The following SLC12A7 variants were observed in gnomAD, a reference collection of about 807,000 sequenced individuals.
SLC12A7 encodes K-Cl cotransporter 4.
Under a neutral mutation model 120.6 loss-of-function variants are expected in SLC12A7, and 100 were observed. That is an observed-to-expected ratio of 0.83 (90% CI 0.71 to 0.98). The LOEUF (loss-of-function observed/expected upper bound fraction) is 0.98. Among genes scored for constraint, SLC12A7 ranks in the 50% least tolerant of loss-of-function variants. The pLI is 0.00. For missense variants in SLC12A7, 1,373 were observed against 1,548.1 expected (o/e 0.89, Z 1.90); for synonymous variants, 760 against 678.0 (o/e 1.12, Z -1.88).
Position 1,112,028 on chromosome 5 carries a change from C to G in SLC12A7, c.-37G>C. On this transcript the variant is annotated 5_prime_UTR_variant, in exon 1 of 24. Coordinates refer to ENST00000264930, the MANE Select transcript of SLC12A7 (RefSeq NM_006598.3). ...GCCGACAGTCCCCGTCCCGGCCCGG[C>G]CCGCGCTGCGCCGCTCCCGCCGACG... 8.1e-7 allele frequency: 1 copy of G among 1,236,422 alleles called. No homozygotes were observed. The highest frequency in any genetic ancestry group is 1.0e-6 in the Non-Finnish European group (1 of 988,074). The allele number at this position is 1,236,422 out of a possible 1,614,324, so 76.6% of individuals were successfully genotyped here. A position where few individuals can be genotyped will look rare whatever the true frequency, so the allele number is the denominator to read the frequency against.
At chr5:1,121,038 G>C in the SLC12A7 span, among the ~76,000 whole-genome samples, 1 of 152,188 alleles carries the variant, frequency 6.6e-6, no homozygotes, top group African/African-American at 2.4e-5. Flanking sequence ...TGTGCTGCAC[G>C]GTAGACTCGG....
At chr5:1,086,794 G>A (rs1739906151) in intron 6 of SLC12A7, 109 bp downstream of exon 6, 1 of 1,450,820 alleles carries the variant, frequency 6.9e-7, no homozygotes, top group Non-Finnish European at 9.4e-7. Context: ...GGGCAGTGGG[G>A]TCAGGATGGC....
chr5:1,135,397 G>A, the SLC12A7 span, among the ~76,000 whole-genome samples: 2 of 128,538 alleles, frequency 1.6e-5, no homozygotes, highest in Admixed American at 8.1e-5. Context: ...CACTAGGCCC[G>A]TTTCCAGGGC....
chr5:1,058,893 C>CCGG (rs35377186), intron 21 of SLC12A7, among the ~76,000 whole-genome samples: 1 of 152,030 alleles, frequency 6.6e-6, no homozygotes, highest in Non-Finnish European at 1.5e-5. Context: ...TCATCCAAAC[C>CCGG]CTTCTGCAGA....
Position 1,112,053 on chromosome 5 carries a change from G to A in SLC12A7, c.-62C>T. The A allele has an allele frequency of 8.3e-7, 1 of 1,208,080 alleles. No individual in the cohort carries two copies. Among genetic ancestry groups the A allele is most frequent in the Non-Finnish European group, 1.0e-6 (1 of 971,786 alleles). The allele number at this position is 1,208,080 out of a possible 1,614,324, so 74.8% of individuals were successfully genotyped here. ...CCCGCGCTGCGCCGCTCCCGCCGACGCCACGGGACTTGGAGGCAGGGGCGG... is the reference window on the plus strand; with the variant it reads ...CCCGCGCTGCGCCGCTCCCGCCGACACCACGGGACTTGGAGGCAGGGGCGG... On this transcript the variant is annotated 5_prime_UTR_variant, in exon 1 of 24. Coordinates refer to ENST00000264930, the MANE Select transcript of SLC12A7 (RefSeq NM_006598.3).
upstream of SLC12A7, among the ~76,000 whole-genome samples, chr5:1,114,209 A>G (rs1743224648): frequency 6.6e-6 from 1 of 152,248 alleles, no homozygotes; most frequent in Admixed American, 6.5e-5. Flanking sequence ...ACCAGGGGCC[A>G]TGGCTGAAGC....
chr5:1,133,436 T>C, the SLC12A7 span, among the ~76,000 whole-genome samples: 2 of 152,102 alleles, frequency 1.3e-5, no homozygotes, highest in Admixed American at 1.3e-4. Flanking sequence ...GCCCTGCTGG[T>C]CCTGGGGGAG....
intron 17 of SLC12A7, among the ~76,000 whole-genome samples, chr5:1,068,658 G>A (rs1243586736): frequency 3.3e-5 from 5 of 152,216 alleles, no homozygotes; most frequent in Non-Finnish European, 7.3e-5. Context: ...GGCAGGGTGC[G>A]CTCGTCCTCC....
At position 1,074,640 on chromosome 5, in the gene SLC12A7, C is replaced by T; in HGVS notation, c.1999G>A (p.Gly667Ser). Residue 667 changes from glycine (G) to serine (S), a missense_variant, in exon 16 of 24, where the codon GGC becomes AGC. Transcript: ENST00000264930. ...TAGCGGGCGGCGTTCAGGGATAGGC[C>T]ACGGATGCCATCGCCCCACTCCTTC... The part of the protein sequence containing the change: ...AEKEWGDGIR[G>S]LSLNAARYAL... 1 of 1,612,836 alleles carries T rather than the reference C, an allele frequency of 6.2e-7. No homozygotes were observed. Among genetic ancestry groups the T allele is most frequent in the Non-Finnish European group, 8.5e-7 (1 of 1,179,930 alleles).
intron 1 of SLC12A7, among the ~76,000 whole-genome samples, chr5:1,097,453 A>G (rs960544675): frequency 2.2e-4 from 33 of 152,310 alleles, no homozygotes; most frequent in African/African-American, 7.9e-4. Context: ...AAAAAGCACT[A>G]GAAACAACTT....
chr5:1,051,240 G>A lies in SLC12A7; in HGVS notation c.*1120C>T, dbSNP rs565266502. 88 of 281,800 alleles carry A rather than the reference G, an allele frequency of 3.1e-4. No individual in the cohort carries two copies. The highest frequency in any genetic ancestry group is 2.0e-3 in the South Asian group (12 of 5,948). 17.5% of individuals were successfully genotyped at this position (281,800 alleles called of 1,614,324 possible). A position where few individuals can be genotyped will look rare whatever the true frequency, so the allele number is the denominator to read the frequency against. ...GCACAGGCCATGGCAGGGGACGCCC[G>A]GGACTCAGCCAGACAGACCTGACAC... On this transcript the variant is annotated 3_prime_UTR_variant, in exon 24 of 24. Transcript: ENST00000264930.
chr5:1,093,336 G>A (rs116431856), intron 3 of SLC12A7, among the ~76,000 whole-genome samples, 197 bp downstream of exon 3: 18 of 152,298 alleles, frequency 1.2e-4, no homozygotes, highest in African/African-American at 3.8e-4. Flanking sequence ...TTCCCCGGAC[G>A]GTGGAGAGGG....
At chr5:1,077,390 G>A (rs116537282) in intron 12 of SLC12A7, among the ~76,000 whole-genome samples, 46 of 152,322 alleles carry the variant, frequency 3.0e-4, no homozygotes, top group African/African-American at 1.1e-3. Context: ...TCTGGGCACA[G>A]CACACGGACA....
the SLC12A7 span, among the ~76,000 whole-genome samples, chr5:1,154,174 G>A: frequency 6.6e-6 from 1 of 151,898 alleles, no homozygotes; most frequent in Non-Finnish European, 1.5e-5. Flanking sequence ...ACAGGCTTGT[G>A]TCCCTAACCC....
chr5:1,078,567 C>A, intron 11 of SLC12A7, 134 bp downstream of exon 11: 1 of 736,076 alleles, frequency 1.4e-6, no homozygotes, highest in Admixed American at 2.1e-5. Context: ...GATCCCAACC[C>A]TGGGACCAGG....
chr5:1,060,348 C>T lies in SLC12A7; in HGVS notation c.2843G>A (p.Arg948Gln), dbSNP rs143654475. The T allele has an allele frequency of 3.8e-5, 61 of 1,612,332 alleles. No homozygotes were observed. Among genetic ancestry groups the T allele is most frequent in the Non-Finnish European group, 4.9e-5 (58 of 1,178,932 alleles). ...GTGGCCACGGCCCCCACGTACCTCT[C>T]GCTCCTGCTCGTTCTTGGACAGCTG... ...QMQLSKNEQE[R>Q]EAQLIHDRNT... Residue 948 changes from arginine (R) to glutamine (Q), a missense_variant, in exon 21 of 24, where the codon CGA becomes CAA. By Grantham distance (43) the Arg-to-Gln change is conservative. Coordinates refer to ENST00000264930, the MANE Select transcript of SLC12A7 (RefSeq NM_006598.3).
chr5:1,120,592 C>G, the SLC12A7 span, among the ~76,000 whole-genome samples: 2 of 152,354 alleles, frequency 1.3e-5, no homozygotes, highest in Non-Finnish European at 1.5e-5. Context: ...AGAAACCCCA[C>G]TCTCAACAGA....
chr5:1,128,080 G>C, the SLC12A7 span, among the ~76,000 whole-genome samples: 1 of 152,166 alleles, frequency 6.6e-6, no homozygotes, highest in East Asian at 1.9e-4. Context: ...AGCTTCTCAC[G>C]CCATGCACTG....
chr5:1,088,303 T>G lies in SLC12A7; in HGVS notation c.544+3A>C. ...AGGGCCGCGGCTGGCGGGCACCCCTTACCTGGGACCACACCGTTGGTAGCG... is the reference window on the plus strand; with the variant it reads ...AGGGCCGCGGCTGGCGGGCACCCCTGACCTGGGACCACACCGTTGGTAGCG... On this transcript the variant is annotated splice_donor_region_variant and intron_variant, in intron 5 of 23. Coordinates refer to ENST00000264930, the MANE Select transcript of SLC12A7 (RefSeq NM_006598.3). 6.3e-7 allele frequency: 1 copy of G among 1,584,754 alleles called. No individual in the cohort carries two copies. Among genetic ancestry groups the G allele is most frequent in the East Asian group, 2.3e-5 (1 of 44,038 alleles).
Sources: gnomAD v4.1 joint callset for allele counts (sites outside exome capture counted in the v4.1 genomes callset) on GRCh38, gnomAD v4.1.1 for gene constraint, MANE v1.5 for transcripts, NCBI Gene and HGNC (gene_info 2026-07-23, HGNC 2026-07-21) for gene names.